Variants in PRKAR2B observed in about 807,000 individuals in gnomAD.
The protein encoded by PRKAR2B is protein kinase cAMP-dependent type II regulatory subunit beta.
A neutral mutation model predicts 49.9 loss-of-function variants in PRKAR2B; 14 were observed. That is an observed-to-expected ratio of 0.28 (90% CI 0.19 to 0.44). The LOEUF is 0.44. Among genes scored for constraint, PRKAR2B ranks in the 20% least tolerant of loss-of-function variants. The probability of loss-of-function intolerance (pLI) is 1.00; values close to 1 mark genes in which losing one functional copy is unlikely to be tolerated. For synonymous variants in PRKAR2B, 196 were observed against 197.7 expected, an observed-to-expected ratio of 0.99 and a Z score of 0.07; for missense variants, 393 against 537.9, an observed-to-expected ratio of 0.73 and a Z score of 2.67.
intron 2 of PRKAR2B, among the ~76,000 whole-genome samples, chr7:107,103,779 A>C (rs1795019882): frequency 6.6e-6 from 1 of 152,244 alleles, no homozygotes; most frequent in African/African-American, 2.4e-5. Context: ...TGTTTAAAGA[A>C]GTAAGCCAGT....
intron 2 of PRKAR2B, among the ~76,000 whole-genome samples, chr7:107,075,874 T>C (rs1794386571): frequency 6.6e-6 from 1 of 152,204 alleles, no homozygotes; most frequent in Non-Finnish European, 1.5e-5. Flanking sequence ...CATCTTTTTA[T>C]TGTTTATACA....
chr7:107,147,788 T>C (rs1408271078), intron 6 of PRKAR2B, among the ~76,000 whole-genome samples: 1 of 152,238 alleles, frequency 6.6e-6, no homozygotes, highest in Non-Finnish European at 1.5e-5. Context: ...TATTGGGTTA[T>C]TTCTCTCAAA....
chr7:107,128,173 G>T, intron 3 of PRKAR2B, 39 bp from the exon 4 acceptor site: 1 of 1,311,312 alleles, frequency 7.6e-7, no homozygotes. Flanking sequence ...AGATGGTATT[G>T]GCTAATGTCT....
intron 1 of PRKAR2B, among the ~76,000 whole-genome samples, chr7:107,068,112 A>G (rs542366540): frequency 6.6e-6 from 1 of 152,290 alleles, no homozygotes; most frequent in African/African-American, 2.4e-5. Flanking sequence ...ACAAATTTAG[A>G]AAACATCTTC....
At chr7:107,141,111 C>G (rs1451220358) in intron 5 of PRKAR2B, among the ~76,000 whole-genome samples, 158 bp downstream of exon 5, 1 of 152,150 alleles carries the variant, frequency 6.6e-6, no homozygotes, top group Non-Finnish European at 1.5e-5. Flanking sequence ...TGAGTACATG[C>G]AGTGAAACCA....
intron 2 of PRKAR2B, among the ~76,000 whole-genome samples, chr7:107,113,131 A>G (rs1184927739): frequency 1.3e-5 from 2 of 152,224 alleles, no homozygotes; most frequent in African/African-American, 4.8e-5. Context: ...GGCAGCATTC[A>G]TCTCAAAAAC....
chr7:107,131,212 G>A (rs946033700), intron 4 of PRKAR2B, among the ~76,000 whole-genome samples: 5 of 152,202 alleles, frequency 3.3e-5, no homozygotes, highest in African/African-American at 9.7e-5. Flanking sequence ...GGACTAAGTC[G>A]TGAAATTCTG....
At chr7:107,075,134 C>T (rs540907488) in intron 2 of PRKAR2B, among the ~76,000 whole-genome samples, 40 of 149,302 alleles carry the variant, frequency 2.7e-4, no homozygotes, top group African/African-American at 7.4e-4. Flanking sequence ...GATGGAGTCT[C>T]GCTCTGTCAC....
intron 2 of PRKAR2B, among the ~76,000 whole-genome samples, chr7:107,113,907 A>G (rs1795219026): frequency 6.6e-6 from 1 of 152,288 alleles, no homozygotes; most frequent in East Asian, 1.9e-4. Context: ...CGGGCTACTC[A>G]TGATGTATGA....
chr7:107,116,586 ATG>A (rs148957352), intron 2 of PRKAR2B, among the ~76,000 whole-genome samples: 4,279 of 152,114 alleles, frequency 0.028, 91 homozygotes, highest in Non-Finnish European at 0.044. Context: ...TATTCCCTTT[ATG>A]TCATCCCCCA....
chr7:107,096,905 T>C (rs1309837220), intron 2 of PRKAR2B, among the ~76,000 whole-genome samples: 1 of 152,218 alleles, frequency 6.6e-6, no homozygotes, highest in African/African-American at 2.4e-5. Flanking sequence ...TCTTTTACAC[T>C]TGCTGAGGGG....
At chr7:107,155,764 C>G (rs567062532) in intron 8 of PRKAR2B, among the ~76,000 whole-genome samples, 1 of 152,000 alleles carries the variant, frequency 6.6e-6, no homozygotes, top group Non-Finnish European at 1.5e-5. Flanking sequence ...GGGTATATAC[C>G]CAAAGGAATA....
At chr7:107,116,787 A>G (rs1252355941) in intron 2 of PRKAR2B, among the ~76,000 whole-genome samples, 2 of 151,818 alleles carry the variant, frequency 1.3e-5, no homozygotes, top group Non-Finnish European at 1.5e-5. Context: ...TTACCTGGGC[A>G]GAAATGTGAA....
intron 1 of PRKAR2B, among the ~76,000 whole-genome samples, chr7:107,056,438 C>G (rs1424082926): frequency 2.0e-5 from 3 of 152,166 alleles, no homozygotes; most frequent in African/African-American, 4.8e-5. Context: ...TTGATTCTTC[C>G]TATCCATGAG....
chr7:107,089,472 T>A (rs1460546554), intron 2 of PRKAR2B, among the ~76,000 whole-genome samples: 2 of 152,340 alleles, frequency 1.3e-5, no homozygotes, highest in Non-Finnish European at 2.9e-5. Flanking sequence ...AAACACCAAC[T>A]ACTGCGTTAT....
intron 2 of PRKAR2B, among the ~76,000 whole-genome samples, chr7:107,117,413 A>G (rs933116796): frequency 6.6e-6 from 1 of 152,154 alleles, no homozygotes; most frequent in Non-Finnish European, 1.5e-5. Flanking sequence ...TAACTTTTAT[A>G]TATTTTATGG....
At chr7:107,074,829 G>A (rs1794364065) in intron 2 of PRKAR2B, among the ~76,000 whole-genome samples, 1 of 151,968 alleles carries the variant, frequency 6.6e-6, no homozygotes, top group African/African-American at 2.4e-5. Context: ...TAAAAATTTA[G>A]TGGTGGTAGT....
chr7:107,087,423 T>G (rs556487116), intron 2 of PRKAR2B, among the ~76,000 whole-genome samples: 1 of 152,314 alleles, frequency 6.6e-6, no homozygotes, highest in South Asian at 2.1e-4. Flanking sequence ...AAGAACCACT[T>G]TAAATAATCA....
At chr7:107,056,260 G>T (rs1206641268) in intron 1 of PRKAR2B, among the ~76,000 whole-genome samples, 1 of 152,124 alleles carries the variant, frequency 6.6e-6, no homozygotes, top group Non-Finnish European at 1.5e-5. Flanking sequence ...GATGCCTCCA[G>T]CTTTGTTCTT....
Sources: gnomAD v4.1 joint callset for allele counts (sites outside exome capture counted in the v4.1 genomes callset) on GRCh38, gnomAD v4.1.1 for gene constraint, MANE v1.5 for transcripts, NCBI Gene and HGNC (gene_info 2026-07-23, HGNC 2026-07-21) for gene names.